SIM2: variants seen among roughly 807,000 people sequenced by gnomAD.
The protein encoded by SIM2 is SIM bHLH transcription factor 2, also known as single-minded homolog 2.
Under a neutral mutation model 64.8 loss-of-function variants are expected in SIM2, and 28 were observed. That is an observed-to-expected ratio of 0.43 (90% CI 0.32 to 0.59). The LOEUF is 0.59. Among genes scored for constraint, SIM2 ranks in the 20% least tolerant of loss-of-function variants. The pLI is 0.07. For missense variants in SIM2, 847 were observed against 871.4 expected, an observed-to-expected ratio of 0.97 and a Z score of 0.35; for synonymous variants, 408 against 391.1, an observed-to-expected ratio of 1.04 and a Z score of -0.51.
At chr21:36,728,380 G>T (rs2088921126) in intron 6 of SIM2, among the ~76,000 whole-genome samples, 2 of 152,200 alleles carry the variant, frequency 1.3e-5, no homozygotes, top group Admixed American at 6.5e-5. Context: ...AATCCACATT[G>T]CCTGGAAAGG....
intron 6 of SIM2, 127 bp from the exon 7 acceptor site, chr21:36,730,918 A>C (rs1364480204): frequency 3.0e-6 from 2 of 665,842 alleles, no homozygotes; most frequent in Non-Finnish European, 5.4e-6. Context: ...GATCATTCTC[A>C]GTTTCCAAAA....
intron 1 of SIM2, among the ~76,000 whole-genome samples, chr21:36,702,159 G>A (rs2088509323): frequency 6.6e-6 from 1 of 152,182 alleles, no homozygotes. Flanking sequence ...AGGCATTTGG[G>A]CTCAGAATTG....
Position 36,744,718 on chromosome 21 carries a change from T to C in SIM2, c.1168-10T>C. The C allele has an allele frequency of 6.3e-7, 1 of 1,581,360 alleles. No individual in the cohort carries two copies. The highest frequency in any genetic ancestry group is 8.6e-7 in the Non-Finnish European group (1 of 1,162,734). On this transcript the variant is annotated splice_polypyrimidine_tract_variant and intron_variant, in intron 9 of 10. Transcript: ENST00000290399. ...TCGCTGGCCCTTCATCCATCTTCTTTGCCATGCAGCAATACAGCTCGTTCC... is the reference window on the plus strand; with the variant it reads ...TCGCTGGCCCTTCATCCATCTTCTTCGCCATGCAGCAATACAGCTCGTTCC...
At position 36,726,019 on chromosome 21, in the gene SIM2, C is replaced by A; in HGVS notation, c.544-100C>A. 3 of 963,028 alleles carry A rather than the reference C, an allele frequency of 3.1e-6. No individual in the cohort carries two copies. Among genetic ancestry groups the A allele is most frequent in the Non-Finnish European group, 4.8e-6 (3 of 619,190 alleles). 59.7% of individuals were successfully genotyped at this position (963,028 alleles called of 1,614,324 possible). ...GCCGCACAGTGGAGTAGAGGCTGGG[C>A]TGGGAGATATTCTAGCATGTTTGAG... On this transcript the variant is annotated intron_variant, in intron 5 of 10. Coordinates refer to ENST00000290399, the MANE Select transcript of SIM2 (RefSeq NM_005069.6). This position sits in a 1 kb window ranked among gnomAD's most constrained non-coding sequence, Gnocchi z 4.5.
intron 5 of SIM2, among the ~76,000 whole-genome samples, chr21:36,724,118 C>A (rs2123460014): frequency 6.6e-6 from 1 of 152,368 alleles, no homozygotes; most frequent in African/African-American, 2.4e-5. Flanking sequence ...GAAGGCCCCG[C>A]CCCAGCTCCC....
chr21:36,716,670 G>A (rs2088750832), intron 3 of SIM2, among the ~76,000 whole-genome samples: 1 of 152,150 alleles, frequency 6.6e-6, no homozygotes, highest in South Asian at 2.1e-4. Context: ...TGCATTTAGT[G>A]CTGTATTTAT....
intron 1 of SIM2, among the ~76,000 whole-genome samples, chr21:36,707,006 G>T (rs957444144): frequency 6.6e-6 from 1 of 152,240 alleles, no homozygotes; most frequent in Non-Finnish European, 1.5e-5. Context: ...GGGCAGCGGA[G>T]TCTGGTCTGG....
intron 10 of SIM2, among the ~76,000 whole-genome samples, chr21:36,746,692 C>T (rs569977762): frequency 6.6e-6 from 1 of 152,294 alleles, no homozygotes; most frequent in South Asian, 2.1e-4. Flanking sequence ...CTTAGATTTG[C>T]ATCTGCCATA....
At position 36,744,799 on chromosome 21, in the gene SIM2, A is replaced by C. The variant is rs2089208011; in HGVS notation, c.1239A>C (p.Ala413=). The change falls in exon 10 of 11, where the codon GCA becomes GCC. Residue 413 remains alanine, a synonymous_variant. Coordinates refer to ENST00000290399, the MANE Select transcript of SIM2 (RefSeq NM_005069.6). ...GAAACTGGAGAGCCAGTCCCCCTGCAAGCGCTGCTGCTCCTCCAGAACTGC... is the reference window on the plus strand; with the variant it reads ...GAAACTGGAGAGCCAGTCCCCCTGCCAGCGCTGCTGCTCCTCCAGAACTGC... The part of the protein sequence containing the change: ...QLGNWRASPP[A]SAAAPPELQP... 6.2e-7 allele frequency: 1 copy of C among 1,613,860 alleles called. No homozygotes were observed.
chr21:36,735,068 G>T (rs1475246653), intron 7 of SIM2, among the ~76,000 whole-genome samples: 2 of 152,222 alleles, frequency 1.3e-5, no homozygotes, highest in Non-Finnish European at 2.9e-5. Context: ...GAGGGAGGCT[G>T]GCGCTCAACG....
intron 7 of SIM2, among the ~76,000 whole-genome samples, chr21:36,737,585 T>C (rs953613370): frequency 4.6e-5 from 7 of 152,350 alleles, no homozygotes; most frequent in South Asian, 2.1e-4. Context: ...GATGTCCACA[T>C]GGCTATTCTT....
intron 7 of SIM2, among the ~76,000 whole-genome samples, chr21:36,739,428 T>C (rs961331304): frequency 6.6e-6 from 1 of 152,230 alleles, no homozygotes; most frequent in African/African-American, 2.4e-5. Flanking sequence ...TAACATTGTA[T>C]CACACATTTC....
At chr21:36,736,513 C>A (rs1236578110) in intron 7 of SIM2, among the ~76,000 whole-genome samples, 1 of 152,200 alleles carries the variant, frequency 6.6e-6, no homozygotes, top group Admixed American at 6.5e-5. Flanking sequence ...AAAGAACTCC[C>A]AGCCTCCAGA....
At position 36,711,294 on chromosome 21, in the gene SIM2, C is replaced by T. The variant is rs1246058379; in HGVS notation, c.259-1239C>T. Among the ~76,000 whole-genome samples the T allele has an allele frequency of 3.9e-5, 6 of 152,308 alleles. No homozygotes were observed. In the South Asian group the frequency reaches 1.2e-3, roughly 32 times the overall value. ...AGCAAGCATGCCAAATGCGCCAAGA[C>T]ATTTATAACTTTAGAAATTGCTGTA... On this transcript the variant is annotated intron_variant, in intron 2 of 10. Transcript: ENST00000290399.
At chr21:36,742,666 G>C (rs1347615465) in intron 8 of SIM2, among the ~76,000 whole-genome samples, 1 of 152,082 alleles carries the variant, frequency 6.6e-6, no homozygotes, top group Non-Finnish European at 1.5e-5. Context: ...CTTGCTCCAG[G>C]CTGTGACCCT....
At chr21:36,704,177 C>T (rs541652771) in intron 1 of SIM2, among the ~76,000 whole-genome samples, 57 of 152,310 alleles carry the variant, frequency 3.7e-4, no homozygotes, top group Non-Finnish European at 6.6e-4. Context: ...GCTGCAGGTG[C>T]CCCCATCACC....
In SIM2 at chr21:36,702,838, G is replaced by T. The variant is rs1004943340; in HGVS notation, c.175+2917G>T. Among the ~76,000 whole-genome samples, 16 of 149,372 alleles carry T rather than the reference G, an allele frequency of 1.1e-4. No homozygotes were observed. In the Admixed American group the frequency reaches 1.1e-3, roughly 10 times the overall value. The stretch of plus-strand genomic sequence containing the variant: ...CGCCTCGGGCTCTCAGCTGCAAGGT[G>T]AAAAATACCATGAGGAATTGATCTG... On this transcript the variant is annotated intron_variant, in intron 1 of 10. Coordinates refer to ENST00000290399, the MANE Select transcript of SIM2 (RefSeq NM_005069.6).
At chr21:36,707,923 C>T (rs2088609147) in intron 1 of SIM2, among the ~76,000 whole-genome samples, 1 of 111,370 alleles carries the variant, frequency 9.0e-6, no homozygotes, top group South Asian at 3.2e-4. Context: ...GCGGCACCAC[C>T]GCACTCAGGA....
rs752484859 is a variant in SIM2 at position 36,749,838 on chromosome 21, A to C, written c.*1746A>C. On this transcript the variant is annotated 3_prime_UTR_variant, in exon 11 of 11. Coordinates refer to ENST00000290399, the MANE Select transcript of SIM2 (RefSeq NM_005069.6). ...ATTAACTTTTGGGGCTGTATTTAGT[A>C]AAAATAAATCAAGGCTATCGGAGCA... 12 of 152,234 alleles carry C rather than the reference A, an allele frequency of 7.9e-5. No individual in the cohort carries two copies. Among genetic ancestry groups the C allele is most frequent in the Non-Finnish European group, 1.2e-4 (8 of 68,050 alleles). 9.4% of individuals were successfully genotyped at this position (152,234 alleles called of 1,614,324 possible). A position where few individuals can be genotyped will look rare whatever the true frequency, so the allele number is the denominator to read the frequency against.
Sources: allele counts gnomAD v4.1 joint callset (sites outside exome capture counted in the v4.1 genomes callset), GRCh38; gene constraint gnomAD v4.1.1; non-coding constraint Gnocchi (gnomAD v3.1); transcripts MANE v1.5; gene names NCBI Gene and HGNC (gene_info 2026-07-23, HGNC 2026-07-21).